The following SAMD12 variants were observed in gnomAD, a reference collection of about 807,000 sequenced individuals.
SAMD12 encodes sterile alpha motif domain containing 12, also known as sterile alpha motif domain-containing protein 12.
A neutral mutation model predicts 15.0 loss-of-function variants in SAMD12; 9 were observed. The ratio of observed to expected loss-of-function variants is 0.60; its 90% CI spans 0.36 to 1.05. SAMD12 has a LOEUF of 1.05. Among genes scored for constraint, SAMD12 ranks in the 50% least tolerant of loss-of-function variants. SAMD12 has a pLI of 0.01. For missense variants in SAMD12, 230 were observed against 234.2 expected (o/e 0.98, Z 0.12); for synonymous variants, 86 against 90.1 (o/e 0.96, Z 0.25).
intron 4 of SAMD12, among the ~76,000 whole-genome samples, chr8:118,275,322 G>A (rs1217965815): frequency 6.6e-6 from 1 of 152,152 alleles, no homozygotes; most frequent in Non-Finnish European, 1.5e-5. Context: ...CAATTCTTAG[G>A]ATGGCTTGTT....
intron 2 of SAMD12, among the ~76,000 whole-genome samples, chr8:118,451,763 G>T (rs988145780): frequency 1.3e-5 from 2 of 152,104 alleles, no homozygotes; most frequent in African/African-American, 4.8e-5. Context: ...TTACGGTAGG[G>T]GGTGGTCTAT....
intron 2 of SAMD12, among the ~76,000 whole-genome samples, chr8:118,478,334 T>C (rs1472521363): frequency 6.6e-6 from 1 of 152,142 alleles, no homozygotes; most frequent in East Asian, 1.9e-4. Context: ...ACCTGAATTA[T>C]CAGGCTTAAC....
chr8:118,450,328 C>T (rs1342194853), intron 2 of SAMD12, among the ~76,000 whole-genome samples: 1 of 152,196 alleles, frequency 6.6e-6, no homozygotes, highest in Non-Finnish European at 1.5e-5. Context: ...CCTGTTCTTC[C>T]TATCAGCCCA....
At chr8:118,211,166 C>T (rs1811814177) in intron 4 of SAMD12, among the ~76,000 whole-genome samples, 1 of 152,158 alleles carries the variant, frequency 6.6e-6, no homozygotes, top group Non-Finnish European at 1.5e-5. Flanking sequence ...GCCTTATCCC[C>T]CCATCTAGTT....
intron 1 of SAMD12, among the ~76,000 whole-genome samples, chr8:118,609,099 A>C (rs1412486054): frequency 6.6e-6 from 1 of 152,248 alleles, no homozygotes; most frequent in African/African-American, 2.4e-5. Context: ...GTATGTATAC[A>C]TACATTTTTA....
At chr8:118,379,999 C>G (rs976537148) in intron 3 of SAMD12, among the ~76,000 whole-genome samples, 1 of 152,042 alleles carries the variant, frequency 6.6e-6, no homozygotes, top group African/African-American at 2.4e-5. Context: ...AAACCTTAAC[C>G]TGGATATTTG....
chr8:118,253,789 A>G (rs1300004648), intron 4 of SAMD12, among the ~76,000 whole-genome samples: 2 of 152,200 alleles, frequency 1.3e-5, no homozygotes, highest in Admixed American at 6.5e-5. Flanking sequence ...TAACATTGAA[A>G]GGCAACACAG....
At chr8:118,158,545 C>CA in the SAMD12 span, among the ~76,000 whole-genome samples, 3 of 152,220 alleles carry the variant, frequency 2.0e-5, no homozygotes, top group South Asian at 6.2e-4. Flanking sequence ...ACAGCCTGGG[C>CA]ACCATGAATG....
At chr8:118,486,423 A>G (rs1046033106) in intron 2 of SAMD12, among the ~76,000 whole-genome samples, 1 of 125,812 alleles carries the variant, frequency 7.9e-6, no homozygotes, top group African/African-American at 3.2e-5. Context: ...CTAAAAAAAA[A>G]AAAGAGAGAG....
intron 4 of SAMD12, among the ~76,000 whole-genome samples, chr8:118,344,617 A>G (rs930098520): frequency 1.3e-5 from 2 of 152,226 alleles, no homozygotes; most frequent in African/African-American, 4.8e-5. Context: ...AAGAGTTCCC[A>G]GCTCTCATGT....
At chr8:118,159,021 G>A in the SAMD12 span, among the ~76,000 whole-genome samples, 9 of 152,090 alleles carry the variant, frequency 5.9e-5, no homozygotes. Context: ...GCTGAATGGT[G>A]GGACTGAAAG....
intron 4 of SAMD12, among the ~76,000 whole-genome samples, chr8:118,267,058 T>C (rs751825667): frequency 6.6e-6 from 1 of 151,988 alleles, no homozygotes; most frequent in Non-Finnish European, 1.5e-5. Context: ...TTCTGTTTTA[T>C]ATATATATAT....
chr8:118,593,072 A>G (rs1241536854), intron 1 of SAMD12, among the ~76,000 whole-genome samples: 3 of 152,198 alleles, frequency 2.0e-5, no homozygotes, highest in East Asian at 1.9e-4. Context: ...GGAACATTCA[A>G]GTTTAACAAA....
At chr8:118,157,038 G>A in the SAMD12 span, among the ~76,000 whole-genome samples, 989 of 152,294 alleles carry the variant, frequency 6.5e-3, 8 homozygotes, top group Non-Finnish European at 0.011. Flanking sequence ...GCAATACTGG[G>A]TTTTGTTGGA....
At chr8:118,285,188 A>G (rs1813910084) in intron 4 of SAMD12, among the ~76,000 whole-genome samples, 1 of 151,584 alleles carries the variant, frequency 6.6e-6, no homozygotes, top group South Asian at 2.1e-4. Context: ...TAGATTATGC[A>G]TTACATGGGT....
At chr8:118,370,355 C>T (rs1819024906) in intron 4 of SAMD12, among the ~76,000 whole-genome samples, 1 of 152,142 alleles carries the variant, frequency 6.6e-6, no homozygotes. Flanking sequence ...ATTAGTTGAA[C>T]CATTGTAGAA....
chr8:118,542,851 C>T (rs1258551601), intron 2 of SAMD12, among the ~76,000 whole-genome samples: 1 of 152,110 alleles, frequency 6.6e-6, no homozygotes, highest in Non-Finnish European at 1.5e-5. Context: ...TCTATATTTT[C>T]CTTTCTATCT....
At chr8:118,614,031 A>G (rs1005486967) in intron 1 of SAMD12, among the ~76,000 whole-genome samples, 20 of 152,180 alleles carry the variant, frequency 1.3e-4, no homozygotes, top group Non-Finnish European at 2.2e-4. Context: ...TATTTTATCA[A>G]TTACACTTTG....
intron 1 of SAMD12, among the ~76,000 whole-genome samples, chr8:118,603,482 G>T (rs543830069): frequency 1.3e-5 from 2 of 152,098 alleles, no homozygotes; most frequent in Admixed American, 6.6e-5. Context: ...AAAATTGTGG[G>T]GAAAGATACT....
Sources: gnomAD v4.1 joint callset for allele counts (sites outside exome capture counted in the v4.1 genomes callset) on GRCh38, gnomAD v4.1.1 for gene constraint, MANE v1.5 for transcripts, NCBI Gene and HGNC (gene_info 2026-07-23, HGNC 2026-07-21) for gene names.